Variants in ELMO1 observed in about 807,000 individuals in gnomAD.
ELMO1 encodes engulfment and cell motility protein 1.
Under a neutral mutation model 98.9 loss-of-function variants are expected in ELMO1, and 26 were observed. The ratio of observed to expected loss-of-function variants is 0.26; its 90% CI spans 0.19 to 0.36. The LOEUF is 0.36. Ranked by LOEUF, ELMO1 falls within the 10% of genes least tolerant of loss-of-function variation. ELMO1 has a pLI of 1.00. For missense variants in ELMO1, 627 were observed against 935.2 expected (o/e 0.67, Z 4.30); for synonymous variants, 346 against 346.0 (o/e 1.00, Z 0.00).
At chr7:37,173,296 A>C (rs1332346975) in intron 13 of ELMO1, among the ~76,000 whole-genome samples, 2 of 152,128 alleles carry the variant, frequency 1.3e-5, no homozygotes, top group East Asian at 3.9e-4. Context: ...CTTCTTATTC[A>C]TGCTATACCA....
At chr7:37,027,628 T>C (rs1794654568) in intron 15 of ELMO1, among the ~76,000 whole-genome samples, 1 of 152,192 alleles carries the variant, frequency 6.6e-6, no homozygotes, top group Non-Finnish European at 1.5e-5. Flanking sequence ...TTTTTGCCTA[T>C]TTACTGTTTG....
intron 16 of ELMO1, among the ~76,000 whole-genome samples, chr7:36,935,407 TA>T (rs199615220): frequency 2.0e-5 from 3 of 151,462 alleles, no homozygotes; most frequent in African/African-American, 4.8e-5. Flanking sequence ...TTGTCCCTTC[TA>T]AAAAAAAATA....
intron 13 of ELMO1, among the ~76,000 whole-genome samples, chr7:37,148,595 C>T (rs146724930): frequency 3.9e-3 from 587 of 152,214 alleles, no homozygotes; most frequent in Middle Eastern, 6.8e-3. Context: ...TTAAAAAATG[C>T]TTTGGGAATA....
intron 1 of ELMO1, among the ~76,000 whole-genome samples, chr7:37,368,535 C>T (rs1048582207): frequency 6.6e-6 from 1 of 152,110 alleles, no homozygotes; most frequent in Non-Finnish European, 1.5e-5. Flanking sequence ...TCTTCTTTCC[C>T]AAAGAACCGG....
At chr7:37,172,826 C>T (rs1790260312) in intron 13 of ELMO1, among the ~76,000 whole-genome samples, 1 of 152,164 alleles carries the variant, frequency 6.6e-6, no homozygotes, top group Admixed American at 6.5e-5. Context: ...GGTATAAGTA[C>T]TGCATGCTTG....
intron 1 of ELMO1, among the ~76,000 whole-genome samples, chr7:37,385,056 C>T (rs1400227017): frequency 6.6e-6 from 1 of 152,178 alleles, no homozygotes; most frequent in East Asian, 1.9e-4. Context: ...TTTAAAGCCT[C>T]GCTGTAATAT....
At chr7:37,103,344 A>G (rs1784743888) in intron 14 of ELMO1, among the ~76,000 whole-genome samples, 1 of 152,122 alleles carries the variant, frequency 6.6e-6, no homozygotes, top group Non-Finnish European at 1.5e-5. Context: ...TCTGACTTAC[A>G]TGGGTTTCCT....
intron 13 of ELMO1, among the ~76,000 whole-genome samples, chr7:37,169,973 C>G (rs997196857): frequency 2.6e-4 from 39 of 152,280 alleles, no homozygotes; most frequent in Admixed American, 9.8e-4. Context: ...AGGATCTCTG[C>G]TCACTGCAAC....
In ELMO1 at chr7:37,405,741, A is replaced by T. The variant is rs571444261; in HGVS notation, c.-74+42934T>A. Among the ~76,000 whole-genome samples the T allele has an allele frequency of 5.3e-5, 8 of 152,260 alleles. No homozygotes were observed. In the East Asian group the frequency reaches 1.5e-3, roughly 29 times the overall value. On this transcript the variant is annotated intron_variant, in intron 1 of 21. Transcript: ENST00000310758. ...CAGACTGGCTGAATCAGCCCAGCCA[A>T]TCCTCCTCCGATACTCCAAAGGCTT...
intron 13 of ELMO1, among the ~76,000 whole-genome samples, chr7:37,199,880 C>T (rs1050333037): frequency 1.3e-5 from 2 of 152,182 alleles, no homozygotes; most frequent in East Asian, 3.9e-4. Flanking sequence ...GATGATGCTA[C>T]ACTGAAGTGG....
At chr7:37,267,089 G>A (rs775961160) in intron 5 of ELMO1, among the ~76,000 whole-genome samples, 26 of 124,560 alleles carry the variant, frequency 2.1e-4, no homozygotes, top group South Asian at 5.4e-4. Context: ...ACACACACAC[G>A]AGTACTACTG....
intron 4 of ELMO1, among the ~76,000 whole-genome samples, chr7:37,305,796 A>G (rs986828182): frequency 1.3e-5 from 2 of 152,240 alleles, no homozygotes; most frequent in Non-Finnish European, 2.9e-5. Flanking sequence ...ACAGTTTTTG[A>G]TTGTAAAGTA....
chr7:37,282,160 A>T (rs1797173273), intron 4 of ELMO1, among the ~76,000 whole-genome samples: 1 of 152,192 alleles, frequency 6.6e-6, no homozygotes, highest in African/African-American at 2.4e-5. Flanking sequence ...CAAAAATCCC[A>T]ATTCTATTCT....
At position 37,130,704 on chromosome 7, in the gene ELMO1, T is replaced by A. The variant is rs531430064; in HGVS notation, c.1191+2426A>T. ...CTAGAAAGTGGGTGAGGGACCATGA[T>A]ACCTGGGAGTGACAAGGGCAACGAG... On this transcript the variant is annotated intron_variant, in intron 14 of 21. Transcript: ENST00000310758. 3.3e-5 allele frequency among the ~76,000 whole-genome samples: 5 copies of A among 152,248 alleles called. No homozygotes were observed. The South Asian group carries it at 1.0e-3, about 32-fold the overall frequency.
intron 15 of ELMO1, among the ~76,000 whole-genome samples, chr7:37,021,928 A>C (rs1304595377): frequency 6.6e-6 from 1 of 152,158 alleles, no homozygotes; most frequent in Non-Finnish European, 1.5e-5. Flanking sequence ...TGGATGGAAA[A>C]ACAGAACAAT....
chr7:36,941,056 T>C (rs560203451), intron 16 of ELMO1, among the ~76,000 whole-genome samples: 1 of 152,364 alleles, frequency 6.6e-6, no homozygotes, highest in South Asian at 2.1e-4. Flanking sequence ...CTAAATAATG[T>C]AAATGAAATT....
At chr7:37,156,082 C>T (rs1014120191) in intron 13 of ELMO1, among the ~76,000 whole-genome samples, 2 of 152,044 alleles carry the variant, frequency 1.3e-5, no homozygotes, top group African/African-American at 4.8e-5. Flanking sequence ...CTACTAGGTA[C>T]ATAACAAAAT....
chr7:37,379,422 C>T (rs1802497252), intron 1 of ELMO1, among the ~76,000 whole-genome samples: 1 of 152,178 alleles, frequency 6.6e-6, no homozygotes, highest in Admixed American at 6.5e-5. Context: ...CCTCATTCTC[C>T]ACCTGGGAAG....
At chr7:37,205,563 G>A (rs995567985) in intron 13 of ELMO1, among the ~76,000 whole-genome samples, 1 of 152,082 alleles carries the variant, frequency 6.6e-6, no homozygotes, top group African/African-American at 2.4e-5. Flanking sequence ...ACATTTAAGG[G>A]CCATTTGAAA....
Sources: gnomAD v4.1 joint callset for allele counts (sites outside exome capture counted in the v4.1 genomes callset) on GRCh38, gnomAD v4.1.1 for gene constraint, MANE v1.5 for transcripts, NCBI Gene and HGNC (gene_info 2026-07-23, HGNC 2026-07-21) for gene names.